Variants in TYW3 observed in about 807,000 individuals in gnomAD.
TYW3 encodes tRNA-yW synthesizing protein 3 homolog, also known as tRNA wybutosine-synthesizing protein 3 homolog.
TYW3 carries 26 observed loss-of-function variants against 23.1 expected under a neutral mutation model. The ratio of observed to expected loss-of-function variants is 1.13; its 90% CI spans 0.83 to 1.56. TYW3 has a LOEUF of 1.56. TYW3 is among the 40% of genes most tolerant of loss of function. The pLI, the probability that TYW3 is intolerant of heterozygous loss-of-function variation, is 0.00. For missense variants in TYW3, 316 were observed against 311.9 expected (o/e 1.01, Z -0.10); for synonymous variants, 102 against 105.7 (o/e 0.97, Z 0.21).
At chr1:74,733,618 C>T (rs188629024) in intron 1 of TYW3, 200 bp downstream of exon 1, 1 of 917,778 alleles carries the variant, frequency 1.1e-6, no homozygotes, top group African/African-American at 1.8e-5. Context: ...AGCTGAGCAT[C>T]TTTTAAAATA....
At chr1:74,747,751 GTA>G (rs1480041295) in intron 3 of TYW3, among the ~76,000 whole-genome samples, 1 of 150,806 alleles carries the variant, frequency 6.6e-6, no homozygotes. Flanking sequence ...ACACATATAT[GTA>G]TATATGTATG....
intron 5 of TYW3, among the ~76,000 whole-genome samples, chr1:74,755,055 G>A (rs1557749280): frequency 6.6e-6 from 1 of 152,088 alleles, no homozygotes; most frequent in Non-Finnish European, 1.5e-5. Flanking sequence ...TTCACCAACT[G>A]TGTAATGAGA....
chr1:74,736,275 C>CT, intron 1 of TYW3: 1 of 265,342 alleles, frequency 3.8e-6, no homozygotes, highest in Non-Finnish European at 7.2e-6. Flanking sequence ...ATACTAATCC[C>CT]TTTTTTTCTT....
At chr1:74,760,438 G>A (rs1384429818) in intron 5 of TYW3, among the ~76,000 whole-genome samples, 2 of 152,170 alleles carry the variant, frequency 1.3e-5, no homozygotes, top group Non-Finnish European at 1.5e-5. Context: ...AGTGTTTCCT[G>A]GGACATCCCC....
rs564790373 is a variant in TYW3, at chr1:74,749,879, C to A, written c.426+1057C>A. Among the ~76,000 whole-genome samples the A allele has an allele frequency of 2.0e-5, 3 of 152,106 alleles. No homozygotes were observed. In the South Asian group the frequency reaches 6.2e-4, roughly 32 times the overall value. ...GCTGAGGCAGGAGAATCACTTGAAC[C>A]CAGGAGGTGGAAGTTGCAGTTAGCA... On this transcript the variant is annotated intron_variant, in intron 4 of 5. Transcript: ENST00000370867.
chr1:74,746,463 C>A (rs1648569912), intron 3 of TYW3, among the ~76,000 whole-genome samples: 1 of 152,208 alleles, frequency 6.6e-6, no homozygotes, highest in African/African-American at 2.4e-5. Flanking sequence ...GTTCTCTGTG[C>A]TAATCCTGAC....
chr1:74,739,795 G>A (rs976033158), intron 3 of TYW3, among the ~76,000 whole-genome samples: 1 of 152,208 alleles, frequency 6.6e-6, no homozygotes, highest in African/African-American at 2.4e-5. Flanking sequence ...AAAGATACGA[G>A]TTAGGAGTAG....
Position 74,766,590 on chromosome 1 carries a change from A to G in TYW3, c.*2477A>G, listed in dbSNP as rs1649315478. On this transcript the variant is annotated 3_prime_UTR_variant, in exon 6 of 6. Transcript: ENST00000370867. ...CTAAGCATTATTACCAAAGAGTCAA[A>G]AAGTTTTAAGAAATTAAAGTTTATA... 1 of 152,226 alleles carries G rather than the reference A, an allele frequency of 6.6e-6. No individual in the cohort carries two copies. The highest frequency in any genetic ancestry group is 1.5e-5 in the Non-Finnish European group (1 of 68,038). The allele number at this position is 152,226 out of a possible 1,614,324, so 9.4% of individuals were successfully genotyped here. A position where few individuals can be genotyped will look rare whatever the true frequency, so the allele number is the denominator to read the frequency against.
At chr1:74,741,507 G>A (rs1648361642) in intron 3 of TYW3, among the ~76,000 whole-genome samples, 1 of 152,142 alleles carries the variant, frequency 6.6e-6, no homozygotes, top group African/African-American at 2.4e-5. Context: ...ACCGAGTATG[G>A]TCCTTCCCAC....
At chr1:74,743,378 C>A (rs1648432673) in intron 3 of TYW3, among the ~76,000 whole-genome samples, 1 of 152,048 alleles carries the variant, frequency 6.6e-6, no homozygotes, top group Non-Finnish European at 1.5e-5. Context: ...TTTAATAATG[C>A]CTCCAGATTT....
chr1:74,747,913 GTATATACA>G (rs943989792), intron 3 of TYW3, among the ~76,000 whole-genome samples: 5 of 151,118 alleles, frequency 3.3e-5, no homozygotes, highest in African/African-American at 9.8e-5. Flanking sequence ...ATATACACAC[GTATATACA>G]TATATACATA....
intron 5 of TYW3, among the ~76,000 whole-genome samples, chr1:74,758,990 A>T (rs1649044243): frequency 6.6e-6 from 1 of 152,260 alleles, no homozygotes; most frequent in South Asian, 2.1e-4. Context: ...TCCAAAGGCA[A>T]AAACAGTTTC....
At chr1:74,757,542 A>T (rs1648995383) in intron 5 of TYW3, among the ~76,000 whole-genome samples, 1 of 152,146 alleles carries the variant, frequency 6.6e-6, no homozygotes, top group Non-Finnish European at 1.5e-5. Context: ...GGCTATATTT[A>T]CCCAATGCCC....
intron 5 of TYW3, chr1:74,761,549 A>G (rs1284016302): frequency 6.6e-6 from 1 of 152,034 alleles, no homozygotes; most frequent in African/African-American, 2.4e-5. Flanking sequence ...ATGGTAGAAG[A>G]TGAGGTTGTA....
chr1:74,748,892 C>A, intron 4 of TYW3, 70 bp downstream of exon 4: 1 of 1,345,088 alleles, frequency 7.4e-7, no homozygotes, highest in Non-Finnish European at 1.1e-6. Flanking sequence ...CCTAATTAGA[C>A]TCCTGCCTTT....
At chr1:74,736,686 C>T (rs780925971) in intron 2 of TYW3, 64 bp downstream of exon 2, 2 of 1,277,822 alleles carry the variant, frequency 1.6e-6, no homozygotes, top group Non-Finnish European at 2.2e-6. Flanking sequence ...ATACATATGA[C>T]AAGAATAGAA....
Position 74,733,287 on chromosome 1 carries a change from T to A in TYW3, c.43T>A (p.Leu15Met). 2 of 1,614,160 alleles carry A rather than the reference T, an allele frequency of 1.2e-6. No individual in the cohort carries two copies. Among genetic ancestry groups the A allele is most frequent in the Non-Finnish European group, 1.7e-6 (2 of 1,180,014 alleles). Residue 15 changes from leucine (L) to methionine (M), a missense_variant, in exon 1 of 6, where the codon TTG becomes ATG. Transcript: ENST00000370867. ...GTTCAGGAAATGGAAGGCGCAATGT[T>A]TGAGCAAAGCGGACCTCAGCCGGAA... is the stretch of plus-strand genomic sequence containing the variant. ...AEFRKWKAQC[L>M]SKADLSRKGS...
intron 2 of TYW3, 59 bp downstream of exon 2, chr1:74,736,681 T>G: frequency 7.5e-7 from 1 of 1,327,160 alleles, no homozygotes; most frequent in Non-Finnish European, 1.1e-6. Context: ...TTTAAATACA[T>G]ATGACAAGAA....
At chr1:74,743,220 T>A (rs1648426815) in intron 3 of TYW3, among the ~76,000 whole-genome samples, 1 of 152,166 alleles carries the variant, frequency 6.6e-6, no homozygotes, top group South Asian at 2.1e-4. Flanking sequence ...CACCGGGTGA[T>A]TGGCCTGCTC....
Sources: allele counts gnomAD v4.1 joint callset (sites outside exome capture counted in the v4.1 genomes callset), GRCh38; gene constraint gnomAD v4.1.1; transcripts MANE v1.5; gene names NCBI Gene and HGNC (gene_info 2026-07-23, HGNC 2026-07-21).